The following KAZN variants were observed in gnomAD, a reference collection of about 807,000 sequenced individuals.
The protein encoded by KAZN is kazrin, periplakin interacting protein.
Under a neutral mutation model 87.4 loss-of-function variants are expected in KAZN, and 40 were observed. That is an observed-to-expected ratio of 0.46 (90% CI 0.36 to 0.60). The LOEUF is 0.60. Among genes scored for constraint, KAZN ranks in the 20% least tolerant of loss-of-function variants. KAZN has a pLI of 0.00. For synonymous variants in KAZN, 466 were observed against 458.3 expected, an observed-to-expected ratio of 1.02 and a Z score of -0.22; for missense variants, 898 against 1,073.9, an observed-to-expected ratio of 0.84 and a Z score of 2.29.
At chr1:14,875,790 G>A (rs1030098928) in intron 1 of KAZN, among the ~76,000 whole-genome samples, 3 of 152,224 alleles carry the variant, frequency 2.0e-5, no homozygotes, top group African/African-American at 7.2e-5. Flanking sequence ...ACACTTGCCA[G>A]TACACCACTG....
chr1:14,055,569 G>A (rs1356857272), intron 1 of KAZN, among the ~76,000 whole-genome samples: 4 of 152,204 alleles, frequency 2.6e-5, no homozygotes, highest in African/African-American at 9.6e-5. Flanking sequence ...TTAGCAGGGA[G>A]TGGAGGTTTC....
chr1:15,012,449 C>T (rs1221225337), intron 2 of KAZN, among the ~76,000 whole-genome samples: 4 of 152,160 alleles, frequency 2.6e-5, no homozygotes, highest in Non-Finnish European at 5.9e-5. Context: ...GGTACCTCAC[C>T]GCTGGGTTGA....
rs944396545 is a variant in KAZN at position 15,114,565 on chromosome 1, A to G, written c.2258A>G (p.Asp753Gly). 1.9e-6 allele frequency: 3 copies of G among 1,607,592 alleles called. No homozygotes were observed. The highest frequency in any genetic ancestry group is 2.7e-5 in the African/African-American group (2 of 74,806). ...GSLQNEDCGD[D>G]DPQSRLEQCR... ...CTTCAAAACGAAGATTGCGGAGACGATGACCCCCAGAGCAGGCTGGAACAG... is the reference window on the plus strand; with the variant it reads ...CTTCAAAACGAAGATTGCGGAGACGGTGACCCCCAGAGCAGGCTGGAACAG... Residue 753 changes from aspartate to glycine, a missense_variant, in exon 15 of 15, where the codon GAT (aspartate) becomes GGT (glycine). This residue lies in a region of KAZN where 127 missense variants were observed against 121.5 expected (regional missense o/e 1.04). Coordinates refer to ENST00000376030, the MANE Select transcript of KAZN (RefSeq NM_201628.3).
intron 1 of KAZN, among the ~76,000 whole-genome samples, chr1:13,922,950 T>C (rs1640121034): frequency 6.6e-6 from 1 of 152,194 alleles, no homozygotes; most frequent in Non-Finnish European, 1.5e-5. Context: ...CTAATGAGGT[T>C]GATGGGCTTG....
chr1:14,420,254 CAT>C (rs1451978802), intron 2 of KAZN, among the ~76,000 whole-genome samples: 3 of 152,192 alleles, frequency 2.0e-5, no homozygotes, highest in South Asian at 2.1e-4. Flanking sequence ...TCTAGCTAGA[CAT>C]AAAAGTTCTC....
At chr1:14,039,082 A>G (rs1435416225) in intron 1 of KAZN, among the ~76,000 whole-genome samples, 1 of 151,878 alleles carries the variant, frequency 6.6e-6, no homozygotes, top group Non-Finnish European at 1.5e-5. Context: ...AAGGCAAGAG[A>G]ATCACTTGAA....
chr1:14,022,485 C>CAAAAAAAAAAAAAA (rs58713618), intron 1 of KAZN, among the ~76,000 whole-genome samples: 30 of 110,478 alleles, frequency 2.7e-4, no homozygotes, highest in African/African-American at 5.6e-4. Flanking sequence ...GTATTTAAAG[C>CAAAAAAAAAAAAAA]AAAAAAAAAA....
chr1:14,736,254 G>GGTGTGTGTGTGTGTGT (rs528070001), intron 1 of KAZN, among the ~76,000 whole-genome samples: 104 of 115,296 alleles, frequency 9.0e-4, no homozygotes, highest in African/African-American at 1.1e-3. Context: ...GGGACTCAAG[G>GGTGTGTGTGTGTGTGT]GTGTGTGTGT....
intron 1 of KAZN, among the ~76,000 whole-genome samples, chr1:14,149,946 G>T (rs1310773672): frequency 6.6e-6 from 1 of 152,084 alleles, no homozygotes; most frequent in African/African-American, 2.4e-5. Context: ...AAAACTGCTG[G>T]CCTAAAAATT....
intron 1 of KAZN, among the ~76,000 whole-genome samples, chr1:13,909,261 A>G (rs180684168): frequency 6.6e-6 from 1 of 152,350 alleles, no homozygotes; most frequent in Admixed American, 6.5e-5. Flanking sequence ...GAGTTCAGAT[A>G]ACATCGGGGG....
intron 1 of KAZN, among the ~76,000 whole-genome samples, chr1:14,021,734 A>G (rs1640832803): frequency 1.3e-5 from 2 of 152,210 alleles, no homozygotes; most frequent in Admixed American, 6.5e-5. Flanking sequence ...ATCTTGTGGA[A>G]AGACCCAAGC....
intron 1 of KAZN, among the ~76,000 whole-genome samples, chr1:13,959,901 G>A (rs1641687855): frequency 6.6e-6 from 1 of 152,198 alleles, no homozygotes; most frequent in Admixed American, 6.5e-5. Context: ...GCCATTCATT[G>A]TCGAAGGACT....
At position 14,996,110 on chromosome 1, in the gene KAZN, G is replaced by A. The variant is rs72639816; in HGVS notation, c.418+35235G>A. Among the ~76,000 whole-genome samples the A allele has an allele frequency of 8.7e-3, 1,323 of 152,202 alleles. 16 individuals are homozygous for A. Among genetic ancestry groups the A allele is most frequent in the Non-Finnish European group, 0.015 (999 of 68,016 alleles). On this transcript the variant is annotated intron_variant, in intron 2 of 14. Transcript: ENST00000376030. This position sits in a 1 kb window ranked among gnomAD's most constrained non-coding sequence, Gnocchi z 5.9. ...GGTCCATACCCTGCACAGCAGACGC[G>A]AGTGTGCATGTCAGTTTCCAGGCTA...
intron 1 of KAZN, among the ~76,000 whole-genome samples, chr1:13,945,522 T>TC (rs1426948203): frequency 3.6e-5 from 5 of 139,710 alleles, no homozygotes; most frequent in Non-Finnish European, 6.2e-5. Context: ...AGACTCCATC[T>TC]CAAAAAAAAA....
chr1:13,939,261 G>C (rs1221405143), intron 1 of KAZN, among the ~76,000 whole-genome samples: 1 of 152,058 alleles, frequency 6.6e-6, no homozygotes, highest in Non-Finnish European at 1.5e-5. Context: ...CAATTTCTTT[G>C]CTCCTGCATC....
chr1:14,770,188 A>T (rs1339022347), intron 1 of KAZN, among the ~76,000 whole-genome samples: 2 of 152,176 alleles, frequency 1.3e-5, no homozygotes, highest in Non-Finnish European at 2.9e-5. Flanking sequence ...GAAAAGAGAA[A>T]GCCATAGAAG....
At chr1:14,617,819 A>G (rs1402149207) in intron 1 of KAZN, among the ~76,000 whole-genome samples, 1 of 152,244 alleles carries the variant, frequency 6.6e-6, no homozygotes, top group South Asian at 2.1e-4. Context: ...AAAATCCCAA[A>G]GCGCAAAGTG....
At chr1:14,395,141 G>T (rs1662787117) in intron 2 of KAZN, among the ~76,000 whole-genome samples, 1 of 152,006 alleles carries the variant, frequency 6.6e-6, no homozygotes, top group Non-Finnish European at 1.5e-5. Flanking sequence ...AGAATGAGAT[G>T]GAGGAGAGAA....
chr1:14,180,597 A>G (rs1190703526), intron 2 of KAZN: 2 of 1,546,768 alleles, frequency 1.3e-6, no homozygotes, highest in South Asian at 1.2e-5. Context: ...GCTCAGGTAC[A>G]AAGATCAATA....
Sources: allele counts gnomAD v4.1 joint callset (sites outside exome capture counted in the v4.1 genomes callset), GRCh38; gene constraint gnomAD v4.1.1; regional missense constraint gnomAD v4.1.1; non-coding constraint Gnocchi (gnomAD v3.1); transcripts MANE v1.5; gene names NCBI Gene and HGNC (gene_info 2026-07-23, HGNC 2026-07-21).